Variants in ANKRD30A observed in about 807,000 individuals in gnomAD.
The protein encoded by ANKRD30A is ankyrin repeat domain-containing protein 30A.
ANKRD30A carries 170 observed loss-of-function variants against 166.3 expected under a neutral mutation model. That is an observed-to-expected ratio of 1.02 (90% CI 0.90 to 1.16). The LOEUF is 1.16. Among genes scored for constraint, ANKRD30A ranks in the 50% most tolerant of loss-of-function variants. The pLI, the probability that ANKRD30A is intolerant of heterozygous loss-of-function variation, is 0.00. For missense variants in ANKRD30A, 1,630 were observed against 1,518.0 expected (o/e 1.07, Z -1.23); for synonymous variants, 564 against 508.9 (o/e 1.11, Z -1.46).
chr10:37,226,464 C>T (rs1437566868), intron 34 of ANKRD30A, among the ~76,000 whole-genome samples: 1 of 151,710 alleles, frequency 6.6e-6, no homozygotes, highest in Non-Finnish European at 1.5e-5. Flanking sequence ...AAACCCATCT[C>T]ACATGCAGAT....
Position 37,149,647 on chromosome 10 carries a change from T to C in ANKRD30A, c.1544-4T>C. 6.2e-7 allele frequency: 1 copy of C among 1,612,012 alleles called. No individual in the cohort carries two copies. Among genetic ancestry groups the C allele is most frequent in the Non-Finnish European group, 8.5e-7 (1 of 1,178,534 alleles). ...ATTGATGATAAATCTCTTTTGCTTTTTAGAGCCTCCTAAGAAGCCATCTGC... is the reference window on the plus strand; with the variant it reads ...ATTGATGATAAATCTCTTTTGCTTTCTAGAGCCTCCTAAGAAGCCATCTGC... On this transcript the variant is annotated splice_polypyrimidine_tract_variant and splice_region_variant and intron_variant, in intron 9 of 35. Transcript: ENST00000361713.
the ANKRD30A span, among the ~76,000 whole-genome samples, chr10:37,246,481 C>T: frequency 7.2e-5 from 11 of 152,128 alleles, no homozygotes; most frequent in Non-Finnish European, 1.3e-4. Flanking sequence ...ACTTTAACTC[C>T]ATGTACACTC....
intron 34 of ANKRD30A, among the ~76,000 whole-genome samples, chr10:37,226,466 C>T (rs56141609): frequency 0.049 from 7,451 of 151,786 alleles, 219 homozygotes; most frequent in South Asian, 0.15. Context: ...ACCCATCTCA[C>T]ATGCAGATGC....
At chr10:37,233,576 T>C (rs558075669), downstream of ANKRD30A, among the ~76,000 whole-genome samples, 1 of 152,324 alleles carries the variant, frequency 6.6e-6, no homozygotes, top group African/African-American at 2.4e-5. Context: ...CAGTTCATTT[T>C]AAACTTCATT....
At chr10:37,152,610 A>C (rs1838037531) in intron 12 of ANKRD30A, among the ~76,000 whole-genome samples, 1 of 152,154 alleles carries the variant, frequency 6.6e-6, no homozygotes, top group African/African-American at 2.4e-5. Flanking sequence ...CTGAAGGAAC[A>C]TTTCAGCAGA....
intron 5 of ANKRD30A, among the ~76,000 whole-genome samples, chr10:37,136,310 A>G (rs1200907): frequency 0.53 from 80,753 of 152,004 alleles, 21,833 homozygotes; most frequent in Non-Finnish European, 0.57. Flanking sequence ...GTTGGTAACC[A>G]TGCTAGGACT....
chr10:37,217,027 G>A (rs1056117039), intron 32 of ANKRD30A, among the ~76,000 whole-genome samples: 3 of 150,818 alleles, frequency 2.0e-5, no homozygotes, highest in Non-Finnish European at 4.5e-5. Flanking sequence ...AGAGTTCTAT[G>A]TTAAAAATGC....
At chr10:37,137,607 C>A (rs1323162764) in intron 6 of ANKRD30A, among the ~76,000 whole-genome samples, 1 of 152,192 alleles carries the variant, frequency 6.6e-6, no homozygotes, top group Non-Finnish European at 1.5e-5. Context: ...GGTCCTACCC[C>A]CATGGAACCT....
chr10:37,194,428 C>T (rs1179879221), intron 27 of ANKRD30A, among the ~76,000 whole-genome samples: 1 of 151,346 alleles, frequency 6.6e-6, no homozygotes, highest in African/African-American at 2.4e-5. Flanking sequence ...GCAAGCTCTG[C>T]CTCCCGGGTT....
intron 34 of ANKRD30A, among the ~76,000 whole-genome samples, chr10:37,225,508 T>C (rs1843105432): frequency 6.6e-6 from 1 of 151,890 alleles, no homozygotes. Flanking sequence ...GATATTTAGA[T>C]GAATAAGCTA....
At position 37,193,097 on chromosome 10, in the gene ANKRD30A, T is replaced by C. The variant is rs748058286; in HGVS notation, c.2541+5T>C. 1.9e-6 allele frequency: 3 copies of C among 1,604,336 alleles called. No homozygotes were observed. Among genetic ancestry groups the C allele is most frequent in the Non-Finnish European group, 2.6e-6 (3 of 1,171,988 alleles). Reference sequence around the variant, plus strand: ...GATAATGATGGTTTTCTGAAGGTAATAACTTTTATATTTTTATCTTGAGTA... The same window carrying C: ...GATAATGATGGTTTTCTGAAGGTAACAACTTTTATATTTTTATCTTGAGTA... On this transcript the variant is annotated splice_donor_5th_base_variant and intron_variant, in intron 26 of 35. Coordinates refer to ENST00000361713, the MANE Select transcript of ANKRD30A (RefSeq NM_052997.3).
intron 12 of ANKRD30A, among the ~76,000 whole-genome samples, chr10:37,152,587 G>T (rs1301854686): frequency 6.6e-6 from 1 of 152,076 alleles, no homozygotes; most frequent in Non-Finnish European, 1.5e-5. Flanking sequence ...TATGTTTATT[G>T]TTCAGTATAG....
At chr10:37,216,075 G>A in intron 31 of ANKRD30A, 106 bp from the exon 32 acceptor site, 2 of 700,074 alleles carry the variant, frequency 2.9e-6, no homozygotes, top group East Asian at 2.9e-5. Flanking sequence ...CACGTGGTAG[G>A]CAATCAATAT....
rs764545453 is a variant in ANKRD30A at position 37,143,537 on chromosome 10, C to A, written c.1393+1247C>A. Among the ~76,000 whole-genome samples, 3 of 152,124 alleles carry A rather than the reference C, an allele frequency of 2.0e-5. 1 individual carries two copies. In the South Asian group the frequency reaches 6.2e-4, roughly 32 times the overall value. ...GGTGTGGCGGCATGCACCTGTAATC[C>A]CAGCTACCTAGGAGGCTGAGGCAGG... On this transcript the variant is annotated intron_variant, in intron 7 of 35. Transcript: ENST00000361713.
chr10:37,260,527 T>C, the ANKRD30A span, among the ~76,000 whole-genome samples: 11 of 152,156 alleles, frequency 7.2e-5, no homozygotes, highest in Non-Finnish European at 1.3e-4. Context: ...TCCACAAACT[T>C]AACTGTGGAG....
chr10:37,262,671 A>C, the ANKRD30A span: 1 of 153,368 alleles, frequency 6.5e-6, no homozygotes, highest in East Asian at 1.9e-4. Flanking sequence ...AAAATTGTGG[A>C]TTGATCTTTA....
In ANKRD30A at chr10:37,218,964, A is replaced by C. The variant is rs1434279258; in HGVS notation, c.3268-16A>C. 2.0e-6 allele frequency: 3 copies of C among 1,519,588 alleles called. No homozygotes were observed. The highest frequency in any genetic ancestry group is 2.7e-6 in the Non-Finnish European group (3 of 1,124,274). 94.1% of individuals were successfully genotyped at this position (1,519,588 alleles called of 1,614,324 possible). On this transcript the variant is annotated splice_polypyrimidine_tract_variant and intron_variant, in intron 33 of 35. Transcript: ENST00000361713. ...TTTATTGAGTGCTAGCTAAAAGTTT[A>C]TTTTGTTTTATTTAGGTTTCTCACA...
At chr10:37,147,759 T>A (rs1837612157) in intron 9 of ANKRD30A, among the ~76,000 whole-genome samples, 1 of 151,694 alleles carries the variant, frequency 6.6e-6, no homozygotes, top group Admixed American at 6.6e-5. Flanking sequence ...GCAGAGAGAG[T>A]ACAGGGAGTT....
chr10:37,254,972 G>A, the ANKRD30A span, among the ~76,000 whole-genome samples: 1 of 152,038 alleles, frequency 6.6e-6, no homozygotes, highest in Non-Finnish European at 1.5e-5. Flanking sequence ...GTGAGCCACT[G>A]CGCCCGGCCC....
Sources: gnomAD v4.1 joint callset for allele counts (sites outside exome capture counted in the v4.1 genomes callset) on GRCh38, gnomAD v4.1.1 for gene constraint, MANE v1.5 for transcripts, NCBI Gene and HGNC (gene_info 2026-07-23, HGNC 2026-07-21) for gene names.